Variants in GPN2 observed in about 807,000 individuals in gnomAD.
GPN2 encodes GPN-loop GTPase 2.
In GPN2, 27 loss-of-function variants were observed where a neutral mutation model predicts 30.1. That is an observed-to-expected ratio of 0.90 (90% confidence interval 0.66 to 1.24). GPN2 has a LOEUF of 1.24. Among genes scored for constraint, GPN2 ranks in the 50% most tolerant of loss-of-function variants. The pLI, the probability that GPN2 is intolerant of heterozygous loss-of-function variation, is 0.00. For missense variants in GPN2, 406 were observed against 405.4 expected (o/e 1.00, Z -0.01); for synonymous variants, 212 against 174.4 (o/e 1.22, Z -1.70).
At chr1:26,879,831 C>T (rs2081855848) in intron 4 of GPN2, 82 bp from the exon 5 acceptor site, 1 of 864,564 alleles carries the variant, frequency 1.2e-6, no homozygotes, top group African/African-American at 1.7e-5. Flanking sequence ...CCGCTGATGC[C>T]TACACTCCAA....
intron 4 of GPN2, among the ~76,000 whole-genome samples, chr1:26,882,325 A>G (rs780124301): frequency 4.6e-5 from 7 of 151,932 alleles, no homozygotes; most frequent in Non-Finnish European, 1.0e-4. Flanking sequence ...TGGAGATTGC[A>G]TTCCAGCCTG....
chr1:26,885,715 G>C (rs1160239683), intron 3 of GPN2, among the ~76,000 whole-genome samples: 2 of 151,932 alleles, frequency 1.3e-5, no homozygotes, highest in East Asian at 3.9e-4. Context: ...GAGTAGCTGG[G>C]ACTACAGGCA....
Position 26,890,233 on chromosome 1 carries a change from G to A in GPN2, c.-137C>T. On this transcript the variant is annotated 5_prime_UTR_variant, in exon 1 of 5. Coordinates refer to ENST00000374135, the MANE Select transcript of GPN2 (RefSeq NM_018066.4). The stretch of plus-strand genomic sequence containing the variant: ...AGCGTCACTCGCCTCAGGCGGAACA[G>A]CTGAGACCGTGTCGCGCAAAAGGAG... 1 of 733,614 alleles carries A rather than the reference G, an allele frequency of 1.4e-6. No homozygotes were observed. Among genetic ancestry groups the A allele is most frequent in the Non-Finnish European group, 2.1e-6 (1 of 470,010 alleles). The allele number at this position is 733,614 out of a possible 1,614,324, so 45.4% of individuals were successfully genotyped here. A position where few individuals can be genotyped will look rare whatever the true frequency, so the allele number is the denominator to read the frequency against.
chr1:26,883,576 C>G (rs918502747), intron 4 of GPN2, among the ~76,000 whole-genome samples: 1 of 152,124 alleles, frequency 6.6e-6, no homozygotes, highest in African/African-American at 2.4e-5. Context: ...CACCTGAGGT[C>G]AAGAGTTCCA....
intron 2 of GPN2, among the ~76,000 whole-genome samples, chr1:26,888,400 C>CT (rs1456668821): frequency 1.3e-5 from 2 of 152,202 alleles, no homozygotes; most frequent in Non-Finnish European, 2.9e-5. Context: ...TGATCTTGGA[C>CT]TTACCAGCCT....
rs2081915583 is a variant in GPN2, at chr1:26,890,261, A to G, written c.-165T>C. 3 of 618,362 alleles carry G rather than the reference A, an allele frequency of 4.9e-6. No individual in the cohort carries two copies. In the Admixed American group the frequency reaches 9.6e-5, roughly 20 times the overall value. 38.3% of individuals were successfully genotyped at this position (618,362 alleles called of 1,614,324 possible). ...GAGACCGTGTCGCGCAAAAGGAGAT[A>G]ACAGGCCGATACTAACTAGACTAAC... is the stretch of plus-strand genomic sequence containing the variant. On this transcript the variant is annotated 5_prime_UTR_variant, in exon 1 of 5. Coordinates refer to ENST00000374135, the MANE Select transcript of GPN2 (RefSeq NM_018066.4).
chr1:26,885,449 C>T (rs1464358023), intron 3 of GPN2, among the ~76,000 whole-genome samples: 2 of 151,284 alleles, frequency 1.3e-5, no homozygotes, highest in Non-Finnish European at 3.0e-5. Context: ...AAGAGAGGAT[C>T]CAGCAACACA....
In GPN2 at chr1:26,878,077, A is replaced by C. The variant is rs2081845878; in HGVS notation, c.*1600T>G. Reference sequence around the variant, plus strand: ...ACATGCAAATAAAACTTGGCATAACAGTCTTGCCCAAGCCATCAGTCCTGC... The same window carrying C: ...ACATGCAAATAAAACTTGGCATAACCGTCTTGCCCAAGCCATCAGTCCTGC... On this transcript the variant is annotated 3_prime_UTR_variant, in exon 5 of 5. Transcript: ENST00000374135. The C allele has an allele frequency of 6.6e-6, 1 of 152,132 alleles. No individual in the cohort carries two copies. The highest frequency in any genetic ancestry group is 6.5e-5 in the Admixed American group (1 of 15,270). The allele number at this position is 152,132 out of a possible 1,614,324, so 9.4% of individuals were successfully genotyped here. A position where few individuals can be genotyped will look rare whatever the true frequency, so the allele number is the denominator to read the frequency against.
chr1:26,888,758 C>T, intron 2 of GPN2: 1 of 620,982 alleles, frequency 1.6e-6, no homozygotes. Context: ...CTTTGTAACA[C>T]CTAACACCAT....
In GPN2 at chr1:26,886,102, C is replaced by T. The variant is rs754319480; in HGVS notation, c.600G>A (p.Leu200=). 4.3e-6 allele frequency: 7 copies of T among 1,613,810 alleles called. No individual in the cohort carries two copies. In the South Asian group the frequency reaches 7.7e-5, roughly 18 times the overall value. The change falls in exon 3 of 5, where the codon CTG becomes CTA. Residue 200 remains leucine (L), a synonymous_variant. Coordinates refer to ENST00000374135, the MANE Select transcript of GPN2 (RefSeq NM_018066.4). Reference sequence around the variant, plus strand: ...GGTGGTCAAGCAGGTAGGAGAGGTCCAGAACCTCTGTGTAGTAGTCCAGGT... The same window carrying T: ...GGTGGTCAAGCAGGTAGGAGAGGTCTAGAACCTCTGTGTAGTAGTCCAGGT... The part of the protein sequence containing the change: ...AFNLDYYTEV[L]DLSYLLDHLA...
In GPN2 at chr1:26,889,732, C is replaced by G; in HGVS notation, c.365G>C (p.Gly122Ala). Residue 122 changes from glycine (G) to alanine (A), a missense_variant, in exon 1 of 5, where the codon GGC becomes GCC. Gly to Ala is a moderately conservative substitution (Grantham distance 60, BLOSUM62 0). Coordinates refer to ENST00000374135, the MANE Select transcript of GPN2 (RefSeq NM_018066.4). ...TTGGGAGAAGATGCTGCGCAAGGCG[C>G]CGTGATGCGTGCAGAGCTCCACCTG... ...PGQVELCTHH[G>A]ALRSIFSQMA... The G allele has an allele frequency of 6.2e-7, 1 of 1,607,888 alleles. No homozygotes were observed. Among genetic ancestry groups the G allele is most frequent in the South Asian group, 1.1e-5 (1 of 90,566 alleles).
rs754824210 is a variant in GPN2 at position 26,876,480 on chromosome 1, A to T, written c.*3197T>A. 5.3e-5 allele frequency: 8 copies of T among 152,202 alleles called. No individual in the cohort carries two copies. The highest frequency in any genetic ancestry group is 1.0e-4 in the Non-Finnish European group (7 of 68,046). The allele number at this position is 152,202 out of a possible 1,614,324, so 9.4% of individuals were successfully genotyped here. ...TGATCAGCCCGCCTTGGCCTCCCAA[A>T]GTGCTGGGATTACAGGCGTGAGCCA... On this transcript the variant is annotated 3_prime_UTR_variant, in exon 5 of 5. Transcript: ENST00000374135.
At chr1:26,883,066 G>C (rs1468955747) in intron 4 of GPN2, among the ~76,000 whole-genome samples, 1 of 152,088 alleles carries the variant, frequency 6.6e-6, no homozygotes, top group Non-Finnish European at 1.5e-5. Flanking sequence ...TTCTCACCTA[G>C]CAAGACTGTA....
rs1007256809 is a variant in GPN2, at chr1:26,889,015, G to A, written c.522C>T (p.Ile174=). ...ATMLHVELPH[I]NLLSKMDLIE... ...TGAGGTCCATCTTGGAAAGGAGGTT[G>A]ATGTGGGGCAGTTCCACGTGCAGCA... is the stretch of plus-strand genomic sequence containing the variant. Residue 174 remains isoleucine, a synonymous_variant, in exon 2 of 5, where the codon ATC becomes ATT. Coordinates refer to ENST00000374135, the MANE Select transcript of GPN2 (RefSeq NM_018066.4). The A allele has an allele frequency of 1.2e-6, 2 of 1,614,076 alleles. No individual in the cohort carries two copies. Among genetic ancestry groups the A allele is most frequent in the Non-Finnish European group, 1.7e-6 (2 of 1,179,996 alleles).
chr1:26,887,938 A>G (rs1375282531), intron 2 of GPN2, among the ~76,000 whole-genome samples: 1 of 149,640 alleles, frequency 6.7e-6, no homozygotes, highest in African/African-American at 2.5e-5. Flanking sequence ...GGCTCACTAC[A>G]ACCTCCGCCT....
chr1:26,887,813 G>A (rs923912576), intron 2 of GPN2, among the ~76,000 whole-genome samples: 2 of 151,170 alleles, frequency 1.3e-5, no homozygotes, highest in East Asian at 1.9e-4. Flanking sequence ...CACCTGCCTC[G>A]GCCTCCCAAA....
rs1570695269 is a variant in GPN2 at position 26,889,086 on chromosome 1, C to A, written c.451G>T (p.Asp151Tyr). Residue 151 changes from aspartate to tyrosine, a missense_variant, in exon 2 of 5, where the codon GAC becomes TAC. Asp to Tyr is a radical substitution (Grantham distance 160). Coordinates refer to ENST00000374135, the MANE Select transcript of GPN2 (RefSeq NM_018066.4). ...VHLVDSHYCT[D>Y]PAKFISVLCT... ...AGTACTGAAATGAACTTGGCAGGGT[C>A]TGTGCAGTAGTGAGAATCCACGAGG... 1 of 1,613,956 alleles carries A rather than the reference C, an allele frequency of 6.2e-7. No homozygotes were observed. Among genetic ancestry groups the A allele is most frequent in the East Asian group, 2.2e-5 (1 of 44,886 alleles).
rs1162144969 is a variant in GPN2, at chr1:26,879,126, A to G, written c.*551T>C. 1 of 152,922 alleles carries G rather than the reference A, an allele frequency of 6.5e-6. No homozygotes were observed. The highest frequency in any genetic ancestry group is 1.5e-5 in the Non-Finnish European group (1 of 68,490). 9.5% of individuals were successfully genotyped at this position (152,922 alleles called of 1,614,324 possible). ...CTCAGGCGTCTGAGGCGGGAAGATC[A>G]CATGAGCCCAGGAGTTTGAGTCCAG... is the stretch of plus-strand genomic sequence containing the variant. On this transcript the variant is annotated 3_prime_UTR_variant, in exon 5 of 5. Transcript: ENST00000374135.
intron 4 of GPN2, among the ~76,000 whole-genome samples, chr1:26,882,477 A>C (rs969337370): frequency 6.6e-6 from 1 of 152,194 alleles, no homozygotes; most frequent in African/African-American, 2.4e-5. Context: ...CAGGGACTGC[A>C]CACTCTACTG....
Sources: gnomAD v4.1 joint callset for allele counts (sites outside exome capture counted in the v4.1 genomes callset) on GRCh38, gnomAD v4.1.1 for gene constraint, MANE v1.5 for transcripts, NCBI Gene and HGNC (gene_info 2026-07-23, HGNC 2026-07-21) for gene names.